CTNND2: variants seen among roughly 807,000 people sequenced by gnomAD.
CTNND2 encodes catenin delta-2.
Under a neutral mutation model 144.4 loss-of-function variants are expected in CTNND2, and 22 were observed. The observed-to-expected ratio is 0.15, with a 90% CI of 0.11 to 0.22. CTNND2 has a LOEUF of 0.22. CTNND2 is among the 10% of genes least tolerant of loss of function. The pLI is 1.00. For synonymous variants in CTNND2, 751 were observed against 695.6 expected, an observed-to-expected ratio of 1.08 and a Z score of -1.25; for missense variants, 1,353 against 1,618.8, an observed-to-expected ratio of 0.84 and a Z score of 2.82.
At chr5:11,043,242 A>T (rs1407861759) in intron 16 of CTNND2, among the ~76,000 whole-genome samples, 2 of 152,226 alleles carry the variant, frequency 1.3e-5, no homozygotes, top group African/African-American at 4.8e-5. Context: ...CAAGTGTCCT[A>T]GCTAGTGAAA....
At chr5:11,305,067 A>G (rs138286729) in intron 9 of CTNND2, among the ~76,000 whole-genome samples, 19 of 152,020 alleles carry the variant, frequency 1.2e-4, no homozygotes, top group Non-Finnish European at 2.1e-4. Context: ...CCCAGTCACC[A>G]CTCTCACTGC....
intron 15 of CTNND2, among the ~76,000 whole-genome samples, chr5:11,083,326 T>C (rs1252445816): frequency 6.6e-6 from 1 of 152,202 alleles, no homozygotes; most frequent in South Asian, 2.1e-4. Context: ...AATAAGTCGT[T>C]TGCTGAACAA....
At chr5:11,846,380 G>C (rs1794736112) in intron 1 of CTNND2, among the ~76,000 whole-genome samples, 1 of 152,050 alleles carries the variant, frequency 6.6e-6, no homozygotes, top group Non-Finnish European at 1.5e-5. Flanking sequence ...AGAAGTAACT[G>C]TATATCCACA....
At chr5:11,245,997 G>C (rs1742959218) in intron 9 of CTNND2, among the ~76,000 whole-genome samples, 1 of 152,206 alleles carries the variant, frequency 6.6e-6, no homozygotes, top group African/African-American at 2.4e-5. Context: ...GGGCCCAGTA[G>C]CTTTCACCTC....
intron 3 of CTNND2, among the ~76,000 whole-genome samples, chr5:11,521,149 C>T (rs752459165): frequency 1.3e-5 from 2 of 152,114 alleles, no homozygotes; most frequent in Non-Finnish European, 1.5e-5. Flanking sequence ...TTTGGCATGT[C>T]AGAAAAATGA....
intron 16 of CTNND2, among the ~76,000 whole-genome samples, chr5:11,053,579 G>C (rs904735437): frequency 6.6e-6 from 1 of 152,190 alleles, no homozygotes; most frequent in African/African-American, 2.4e-5. Flanking sequence ...CTGTTACCTT[G>C]AAGATACAAG....
chr5:11,883,410 C>T (rs1172029977), intron 1 of CTNND2, among the ~76,000 whole-genome samples: 1 of 152,106 alleles, frequency 6.6e-6, no homozygotes, highest in Non-Finnish European at 1.5e-5. Flanking sequence ...CAGCTCTCAC[C>T]TATGAATGAG....
chr5:11,283,673 CAAAAAAAAAAAAAAAA>C (rs70947250), intron 9 of CTNND2, among the ~76,000 whole-genome samples: 38 of 31,610 alleles, frequency 1.2e-3, no homozygotes, highest in Admixed American at 1.8e-3. Context: ...GACTCCGTCT[CAAAAAAAAAAAAAAAA>C]AAAAAAAAAA....
At chr5:11,203,069 T>C (rs1177329898) in intron 10 of CTNND2, among the ~76,000 whole-genome samples, 1 of 152,154 alleles carries the variant, frequency 6.6e-6, no homozygotes, top group Admixed American at 6.5e-5. Flanking sequence ...CCTCCCAAAG[T>C]GCTGGGATTA....
At chr5:11,584,648 A>G (rs1778695203) in intron 2 of CTNND2, among the ~76,000 whole-genome samples, 1 of 152,208 alleles carries the variant, frequency 6.6e-6, no homozygotes, top group African/African-American at 2.4e-5. Flanking sequence ...CAAAGGTAGC[A>G]TGAACTTCAT....
chr5:11,182,046 G>T (rs1735096049), intron 11 of CTNND2, among the ~76,000 whole-genome samples: 1 of 141,886 alleles, frequency 7.0e-6, no homozygotes, highest in Non-Finnish European at 1.5e-5. Flanking sequence ...TGGTGTGTGT[G>T]GGGTGTGTGT....
rs551496722 is a variant in CTNND2, at chr5:11,517,126, C to A, written c.287+47818G>T. Among the ~76,000 whole-genome samples, 8 of 152,280 alleles carry A rather than the reference C, an allele frequency of 5.3e-5. No individual in the cohort carries two copies. The East Asian group carries it at 1.3e-3, about 26-fold the overall frequency. On this transcript the variant is annotated intron_variant, in intron 3 of 21. Coordinates refer to ENST00000304623, the MANE Select transcript of CTNND2 (RefSeq NM_001332.4). ...ACTTAACCATTGTGTTTATGTTCCACACGTGATATGTGACGTACACACTGC... is the reference window on the plus strand; with the variant it reads ...ACTTAACCATTGTGTTTATGTTCCAAACGTGATATGTGACGTACACACTGC...
intron 9 of CTNND2, among the ~76,000 whole-genome samples, chr5:11,263,363 T>C (rs1745109367): frequency 6.6e-6 from 1 of 152,120 alleles, no homozygotes; most frequent in Non-Finnish European, 1.5e-5. Flanking sequence ...ATACCATAAC[T>C]CTAGAGTAGA....
intron 18 of CTNND2, among the ~76,000 whole-genome samples, chr5:10,993,904 G>A (rs1738989750): frequency 6.6e-6 from 1 of 151,604 alleles, no homozygotes; most frequent in African/African-American, 2.4e-5. Flanking sequence ...ATAGAGTTTT[G>A]AGCCCCTTAA....
At chr5:11,131,920 G>A (rs1755654101) in intron 12 of CTNND2, among the ~76,000 whole-genome samples, 1 of 152,072 alleles carries the variant, frequency 6.6e-6, no homozygotes, top group African/African-American at 2.4e-5. Flanking sequence ...ACTTATTAAA[G>A]CTGAGAATAA....
chr5:11,431,313 T>C (rs1406839702), intron 3 of CTNND2, among the ~76,000 whole-genome samples: 2 of 152,156 alleles, frequency 1.3e-5, no homozygotes, highest in Non-Finnish European at 2.9e-5. Flanking sequence ...CAGGTCTAGT[T>C]AGTTAACCTA....
At chr5:11,548,289 G>T (rs1346704538) in intron 3 of CTNND2, among the ~76,000 whole-genome samples, 1 of 152,166 alleles carries the variant, frequency 6.6e-6, no homozygotes, top group Non-Finnish European at 1.5e-5. Flanking sequence ...GTGGAAGAGA[G>T]ACAATGAGGA....
At chr5:11,656,693 C>T (rs1405938752) in intron 2 of CTNND2, among the ~76,000 whole-genome samples, 1 of 152,080 alleles carries the variant, frequency 6.6e-6, no homozygotes, top group Non-Finnish European at 1.5e-5. Context: ...TAATGCAGAG[C>T]CACAAAAGAT....
chr5:11,775,869 A>T (rs1333921292), intron 1 of CTNND2, among the ~76,000 whole-genome samples: 1 of 152,202 alleles, frequency 6.6e-6, no homozygotes, highest in Non-Finnish European at 1.5e-5. Context: ...AGTGGTGCTA[A>T]TACAAAGACT....
Sources: allele counts gnomAD v4.1 joint callset (sites outside exome capture counted in the v4.1 genomes callset), GRCh38; gene constraint gnomAD v4.1.1; transcripts MANE v1.5; gene names NCBI Gene and HGNC (gene_info 2026-07-23, HGNC 2026-07-21).